The following AXDND1 variants were observed in gnomAD, a reference collection of about 807,000 sequenced individuals.
AXDND1 encodes axonemal dynein light chain domain-containing protein 1.
In AXDND1, 110 loss-of-function variants were observed where a neutral mutation model predicts 137.5. The ratio of observed to expected loss-of-function variants is 0.80; its 90% CI spans 0.69 to 0.94. The LOEUF is 0.94. Among genes scored for constraint, AXDND1 ranks in the 40% least tolerant of loss-of-function variants. The pLI, the probability that AXDND1 is intolerant of heterozygous loss-of-function variation, is 0.00. For missense variants in AXDND1, 1,191 were observed against 1,169.8 expected, an observed-to-expected ratio of 1.02 and a Z score of -0.26; for synonymous variants, 414 against 399.7, an observed-to-expected ratio of 1.04 and a Z score of -0.43.
At chr1:179,399,318 A>G (rs1232874474) in intron 11 of AXDND1, among the ~76,000 whole-genome samples, 1 of 152,158 alleles carries the variant, frequency 6.6e-6, no homozygotes, top group African/African-American at 2.4e-5. Context: ...ACAAAAACAT[A>G]AAGTGGGGAA....
chr1:179,423,896 T>C (rs778071841), intron 12 of AXDND1, among the ~76,000 whole-genome samples: 9 of 152,222 alleles, frequency 5.9e-5, no homozygotes, highest in Non-Finnish European at 1.3e-4. Flanking sequence ...ACAGTTACAG[T>C]ATTAGCATAT....
chr1:179,400,607 A>G (rs1348777098), intron 11 of AXDND1, among the ~76,000 whole-genome samples: 1 of 151,342 alleles, frequency 6.6e-6, no homozygotes, highest in East Asian at 1.9e-4. Flanking sequence ...AAATAAAAAA[A>G]AAAAAAGAGA....
intron 11 of AXDND1, among the ~76,000 whole-genome samples, chr1:179,406,248 T>C (rs1215624645): frequency 6.6e-6 from 1 of 152,226 alleles, no homozygotes; most frequent in African/African-American, 2.4e-5. Context: ...TTTTTAAATA[T>C]GTATTGAGAC....
At chr1:179,492,441 A>G (rs1192470059) in intron 19 of AXDND1, among the ~76,000 whole-genome samples, 4 of 103,658 alleles carry the variant, frequency 3.9e-5, no homozygotes, top group East Asian at 4.7e-4. Context: ...AATGGAAGAA[A>G]AAAAAAAACA....
At chr1:179,450,365 A>G (rs1660384241) in intron 16 of AXDND1, 3 of 152,168 alleles carry the variant, frequency 2.0e-5, no homozygotes, top group African/African-American at 7.2e-5. Context: ...CCTCCAGTAC[A>G]ATGTTGAACA....
chr1:179,502,350 T>A (rs4263961), intron 20 of AXDND1, among the ~76,000 whole-genome samples: 133,506 of 152,056 alleles, frequency 0.88, 58,786 homozygotes, highest in East Asian at 0.96. Flanking sequence ...GGATCACCTG[T>A]GGTCAGGAGT....
intron 16 of AXDND1, among the ~76,000 whole-genome samples, chr1:179,463,467 C>T (rs1196063078): frequency 2.0e-5 from 3 of 152,314 alleles, no homozygotes; most frequent in South Asian, 4.1e-4. Flanking sequence ...AGTTTGATTG[C>T]ACTGTGGTCT....
intron 25 of AXDND1, among the ~76,000 whole-genome samples, chr1:179,540,573 C>G (rs1672030617): frequency 6.6e-6 from 1 of 152,172 alleles, no homozygotes; most frequent in South Asian, 2.1e-4. Flanking sequence ...AAGCTTCGTC[C>G]CAGAGGGGCA....
chr1:179,457,151 T>C (rs1661522124), intron 16 of AXDND1: 6 of 850,962 alleles, frequency 7.1e-6, no homozygotes, highest in Admixed American at 5.1e-5. Context: ...CGCAGTGGCA[T>C]GTGAGACAAA....
intron 16 of AXDND1, 33 bp downstream of exon 16, chr1:179,445,237 G>C: frequency 7.9e-7 from 1 of 1,267,116 alleles, no homozygotes; most frequent in South Asian, 1.7e-5. Flanking sequence ...TAGATTTCTT[G>C]GTATAAAATG....
chr1:179,533,763 A>T, intron 23 of AXDND1, 32 bp from the exon 24 acceptor site: 1 of 1,468,084 alleles, frequency 6.8e-7, no homozygotes, highest in Non-Finnish European at 9.5e-7. Context: ...TGAGACTGTC[A>T]GTTCATTCAT....
At chr1:179,400,904 C>CAAAAAAAAAAAAAAA (rs151090012) in intron 11 of AXDND1, among the ~76,000 whole-genome samples, 1 of 53,680 alleles carries the variant, frequency 1.9e-5, no homozygotes, top group Admixed American at 3.3e-4. Context: ...GACTCTGTCT[C>CAAAAAAAAAAAAAAA]AAAAAAAAAA....
chr1:179,382,300 C>T (rs1423156221), intron 6 of AXDND1, among the ~76,000 whole-genome samples: 3 of 152,012 alleles, frequency 2.0e-5, no homozygotes, highest in East Asian at 3.9e-4. Flanking sequence ...AGGCTGGTTT[C>T]GAACTCCTGA....
chr1:179,464,584 T>A (rs1662854847), intron 16 of AXDND1, among the ~76,000 whole-genome samples: 1 of 152,128 alleles, frequency 6.6e-6, no homozygotes, highest in African/African-American at 2.4e-5. Flanking sequence ...AATCTGACAA[T>A]TATGTGTTTT....
At chr1:179,446,530 G>A (rs1159570810) in intron 16 of AXDND1, among the ~76,000 whole-genome samples, 1 of 152,136 alleles carries the variant, frequency 6.6e-6, no homozygotes, top group African/African-American at 2.4e-5. Context: ...CCCATAAACT[G>A]GCAATTTTAG....
At chr1:179,526,343 T>G (rs1670528155) in intron 22 of AXDND1, among the ~76,000 whole-genome samples, 1 of 152,184 alleles carries the variant, frequency 6.6e-6, no homozygotes, top group African/African-American at 2.4e-5. Context: ...CTCTTATCTA[T>G]GCAACACAAC....
At position 179,534,857 on chromosome 1, in the gene AXDND1, G is replaced by C. The variant is rs1183457636; in HGVS notation, c.2926G>C (p.Glu976Gln). The C allele has an allele frequency of 6.2e-7, 1 of 1,611,508 alleles. No individual in the cohort carries two copies. Among genetic ancestry groups the C allele is most frequent in the Admixed American group, 1.7e-5 (1 of 59,462 alleles). ...LVMTSRKESK[E>Q]EKENQDEREV... is the part of the protein sequence containing the mutation. ...CATGACATCAAGAAAGGAGTCTAAA[G>C]AAGAGAAAGAAAATCAAGATGAAAG... is the stretch of plus-strand genomic sequence containing the variant. Residue 976 changes from glutamate (E) to glutamine (Q), a missense_variant, in exon 25 of 26, where the codon GAA becomes CAA. Coordinates refer to ENST00000367618, the MANE Select transcript of AXDND1 (RefSeq NM_144696.6).
chr1:179,449,230 A>T (rs561709448), intron 16 of AXDND1: 1 of 406,142 alleles, frequency 2.5e-6, no homozygotes, highest in Admixed American at 2.9e-5. Context: ...CTCTAATTTC[A>T]TTCTTTTGCA....
intron 17 of AXDND1, among the ~76,000 whole-genome samples, chr1:179,472,342 AT>A (rs1230126878): frequency 6.6e-6 from 1 of 152,102 alleles, no homozygotes; most frequent in East Asian, 1.9e-4. Flanking sequence ...TTGTAATTTC[AT>A]TCCATTGTAG....
Sources: allele counts gnomAD v4.1 joint callset (sites outside exome capture counted in the v4.1 genomes callset), GRCh38; gene constraint gnomAD v4.1.1; transcripts MANE v1.5; gene names NCBI Gene and HGNC (gene_info 2026-07-23, HGNC 2026-07-21).